The following TRIM55 variants were observed in gnomAD, a reference collection of about 807,000 sequenced individuals.
TRIM55 encodes the protein tripartite motif-containing protein 55.
Under a neutral mutation model 60.9 loss-of-function variants are expected in TRIM55, and 50 were observed. The ratio of observed to expected loss-of-function variants is 0.82; its 90% CI spans 0.65 to 1.04. TRIM55 has a LOEUF of 1.04. TRIM55 is among the 50% of genes least tolerant of loss of function. TRIM55 has a pLI of 0.00. For missense variants in TRIM55, 681 were observed against 666.9 expected, an observed-to-expected ratio of 1.02 and a Z score of -0.23; for synonymous variants, 237 against 238.1, an observed-to-expected ratio of 1.00 and a Z score of 0.04.
upstream of TRIM55, among the ~76,000 whole-genome samples, chr8:66,124,032 T>C (rs890725813): frequency 6.6e-6 from 1 of 152,194 alleles, no homozygotes; most frequent in Non-Finnish European, 1.5e-5. Flanking sequence ...TGACTGTCTC[T>C]GACTCACTCT....
intron 9 of TRIM55, among the ~76,000 whole-genome samples, chr8:66,159,984 T>C (rs4737767): frequency 0.01 from 1,523 of 152,282 alleles, 48 homozygotes; most frequent in East Asian, 0.075. Context: ...TGGCTTTCCC[T>C]TTCATTTCTT....
intron 4 of TRIM55, among the ~76,000 whole-genome samples, chr8:66,146,392 A>G (rs746250841): frequency 1.3e-5 from 2 of 152,238 alleles, no homozygotes; most frequent in Non-Finnish European, 1.5e-5. Flanking sequence ...GGTCAAAATA[A>G]GTGATTTAAT....
intron 8 of TRIM55, 45 bp from the exon 9 acceptor site, chr8:66,154,002 T>C: frequency 6.9e-7 from 1 of 1,454,912 alleles, no homozygotes; most frequent in Non-Finnish European, 9.3e-7. Flanking sequence ...TTCTTCTTCT[T>C]CTTTTTTTTT....
Position 66,135,006 on chromosome 8 carries a change from G to C in TRIM55, c.358G>C (p.Asp120His). The change falls in exon 3 of 10, where the codon GAC (aspartate) becomes CAC (histidine). Residue 120 changes from aspartate (D) to histidine (H), a missense_variant. By Grantham distance (81) the Asp-to-His change is moderately conservative. Coordinates refer to ENST00000315962, the MANE Select transcript of TRIM55 (RefSeq NM_184085.2). ...TCCTCCCAGGCCAGAAAAGAAATCCGACCAGCCCATGTGCGAGGAACATGA... is the reference window on the plus strand; with the variant it reads ...TCCTCCCAGGCCAGAAAAGAAATCCCACCAGCCCATGTGCGAGGAACATGA... ...QESTRPEKKS[D>H]QPMCEEHEEE... The C allele has an allele frequency of 6.2e-7, 1 of 1,613,930 alleles. No individual in the cohort carries two copies. The highest frequency in any genetic ancestry group is 8.5e-7 in the Non-Finnish European group (1 of 1,179,946).
At chr8:66,154,011 T>G in intron 8 of TRIM55, 36 bp from the exon 9 acceptor site, 1 of 1,555,376 alleles carries the variant, frequency 6.4e-7, no homozygotes, top group Non-Finnish European at 8.7e-7. Context: ...TTCTTTTTTT[T>G]TTTCTTTACT....
chr8:66,130,440 C>G (rs1809071900), intron 2 of TRIM55, among the ~76,000 whole-genome samples: 1 of 152,106 alleles, frequency 6.6e-6, no homozygotes, highest in Non-Finnish European at 1.5e-5. Flanking sequence ...ACGCAGTTGT[C>G]CCCTGGGGGC....
At chr8:66,161,579 G>C (rs763347236) in intron 9 of TRIM55, among the ~76,000 whole-genome samples, 2 of 152,024 alleles carry the variant, frequency 1.3e-5, no homozygotes, top group Non-Finnish European at 2.9e-5. Flanking sequence ...GGTGTATTTT[G>C]ATGGGAATTG....
At chr8:66,118,398 C>G in the TRIM55 span, among the ~76,000 whole-genome samples, 1 of 151,830 alleles carries the variant, frequency 6.6e-6, no homozygotes, top group Non-Finnish European at 1.5e-5. Context: ...AAGTTCATTT[C>G]TTTTTGATTT....
chr8:66,151,722 T>C lies in TRIM55; in HGVS notation c.986-655T>C, dbSNP rs1810430230. Among the ~76,000 whole-genome samples, 12 of 152,136 alleles carry C rather than the reference T, an allele frequency of 7.9e-5. No individual in the cohort carries two copies. In the South Asian group the frequency reaches 2.5e-3, roughly 32 times the overall value. The stretch of plus-strand genomic sequence containing the variant: ...AGCCGGGCGTGGTGGCGTACGCCTG[T>C]AATCCCAGCTACTCCAGAGGCAGAG... On this transcript the variant is annotated intron_variant, in intron 7 of 9. Transcript: ENST00000315962.
intron 9 of TRIM55, 75 bp downstream of exon 9, chr8:66,154,409 G>A: frequency 4.0e-6 from 6 of 1,496,334 alleles, no homozygotes; most frequent in Admixed American, 2.1e-5. Context: ...ACAGCAAGAA[G>A]AAAAAGGGTT....
the TRIM55 span, among the ~76,000 whole-genome samples, chr8:66,117,577 C>T: frequency 6.6e-6 from 1 of 152,214 alleles, no homozygotes; most frequent in South Asian, 2.1e-4. Flanking sequence ...GGTCTTGGGA[C>T]CACAGTGAGG....
chr8:66,149,749 C>T lies in TRIM55; in HGVS notation c.708C>T (p.Thr236=), dbSNP rs1358412009. 1 of 1,614,020 alleles carries T rather than the reference C, an allele frequency of 6.2e-7. No individual in the cohort carries two copies. The highest frequency in any genetic ancestry group is 8.5e-7 in the Non-Finnish European group (1 of 1,180,008). ...KNEMTQVITR[T]QEEKLEHVRA... is the part of the protein sequence containing the mutation. ...AAATGACCCAAGTCATTACCCGAAC[C>T]CAAGAGGAGAAACTGGAACATGTCC... Residue 236 remains threonine, a synonymous_variant, in exon 5 of 10, where the codon ACC becomes ACT. Coordinates refer to ENST00000315962, the MANE Select transcript of TRIM55 (RefSeq NM_184085.2).
In TRIM55 at chr8:66,150,020, A is replaced by T; in HGVS notation, c.837+142A>T. 7 of 904,574 alleles carry T rather than the reference A, an allele frequency of 7.7e-6. No individual in the cohort carries two copies. The South Asian group carries it at 8.9e-5, about 12-fold the overall frequency. 56.0% of individuals were successfully genotyped at this position (904,574 alleles called of 1,614,324 possible). A position where few individuals can be genotyped will look rare whatever the true frequency, so the allele number is the denominator to read the frequency against. On this transcript the variant is annotated intron_variant, in intron 5 of 9. Transcript: ENST00000315962. ...TATAAACCCCATGTGCTTATATATTAATCTATTTAAACAACTTAAATAGCA... is the reference window on the plus strand; with the variant it reads ...TATAAACCCCATGTGCTTATATATTTATCTATTTAAACAACTTAAATAGCA...
At chr8:66,168,270 A>C (rs904910543) in intron 9 of TRIM55, among the ~76,000 whole-genome samples, 6 of 152,300 alleles carry the variant, frequency 3.9e-5, no homozygotes, top group Admixed American at 3.3e-4. Flanking sequence ...CTTGGCTGTG[A>C]GTCAGAGATA....
chr8:66,131,161 A>G (rs948717579), intron 2 of TRIM55, among the ~76,000 whole-genome samples: 15 of 152,174 alleles, frequency 9.9e-5, no homozygotes, highest in African/African-American at 3.6e-4. Context: ...AATCATGTGC[A>G]ATTCTTTAAT....
chr8:66,114,567 C>T, the TRIM55 span: 1 of 456,342 alleles, frequency 2.2e-6, no homozygotes, highest in East Asian at 6.9e-5. Context: ...TCCAGGGACT[C>T]ATCTGAGGCT....
the TRIM55 span, among the ~76,000 whole-genome samples, chr8:66,117,890 G>A: frequency 6.6e-6 from 1 of 151,992 alleles, no homozygotes; most frequent in Non-Finnish European, 1.5e-5. Flanking sequence ...GAGGAGGCCG[G>A]GCACGGTGGC....
chr8:66,113,716 T>C, the TRIM55 span: 1 of 381,022 alleles, frequency 2.6e-6, no homozygotes, highest in Admixed American at 3.1e-5. Context: ...TCTTAACCCG[T>C]CTTTGGCATT....
chr8:66,128,429 C>A lies in TRIM55; in HGVS notation c.294C>A (p.Asn98Lys), dbSNP rs760433737. ...DRHGVYGLQR[N>K]LLVENIIDIY... is the part of the protein sequence containing the mutation. Reference sequence around the variant, plus strand: ...ATGGGGTATATGGACTTCAGAGGAACCTGCTGGTGGAAAATATCATTGACA... The same window carrying A: ...ATGGGGTATATGGACTTCAGAGGAAACTGCTGGTGGAAAATATCATTGACA... The change falls in exon 2 of 10, where the codon AAC becomes AAA. Residue 98 changes from asparagine to lysine, a missense_variant. Transcript: ENST00000315962. 3 of 1,613,628 alleles carry A rather than the reference C, an allele frequency of 1.9e-6. No homozygotes were observed. The highest frequency in any genetic ancestry group is 2.2e-5 in the East Asian group (1 of 44,846).
Sources: allele counts gnomAD v4.1 joint callset (sites outside exome capture counted in the v4.1 genomes callset), GRCh38; gene constraint gnomAD v4.1.1; transcripts MANE v1.5; gene names NCBI Gene and HGNC (gene_info 2026-07-23, HGNC 2026-07-21).